HDAC8: variants seen among roughly 807,000 people sequenced by gnomAD.
HDAC8 encodes the protein histone deacetylase 8.
In HDAC8, 1 loss-of-function variant was observed where a neutral mutation model predicts 32.2. The observed-to-expected ratio is 0.03, with a 90% confidence interval of 0.01 to 0.15. The LOEUF (loss-of-function observed/expected upper bound fraction) is 0.15, where lower values mean the gene tolerates loss of function less well. Among genes scored for constraint, HDAC8 ranks in the 10% least tolerant of loss-of-function variants. The probability of loss-of-function intolerance (pLI) is 1.00; values close to 1 mark genes in which losing one functional copy is unlikely to be tolerated. For missense variants in HDAC8, 117 were observed against 300.0 expected, an observed-to-expected ratio of 0.39 and a Z score of 4.51; for synonymous variants, 108 against 113.9, an observed-to-expected ratio of 0.95 and a Z score of 0.33.
At chrX:72,409,083 G>A (rs1203157974) in intron 9 of HDAC8, among the ~76,000 whole-genome samples, 2 of 111,911 alleles carry the variant, frequency 1.8e-5, no homozygotes, top group Admixed American at 9.5e-5. Context: ...GTGTATATTC[G>A]TGACTCAAAC....
At chrX:72,456,676 A>C (rs1435722207) in intron 9 of HDAC8, among the ~76,000 whole-genome samples, 1 of 110,739 alleles carries the variant, frequency 9.0e-6, no homozygotes, top group Non-Finnish European at 1.9e-5. Context: ...GTGCGCGCCT[A>C]TAGTCTCAGC....
chrX:72,491,593 T>C (rs2048872162), intron 5 of HDAC8, among the ~76,000 whole-genome samples: 1 of 112,237 alleles, frequency 8.9e-6, no homozygotes, highest in African/African-American at 3.2e-5. Flanking sequence ...GGCTAAAACA[T>C]GGAAGGCTGA....
At chrX:72,550,992 G>A (rs1461071318) in intron 4 of HDAC8, among the ~76,000 whole-genome samples, 4 of 109,657 alleles carry the variant, frequency 3.6e-5, no homozygotes, top group African/African-American at 1.3e-4. Flanking sequence ...TGGATCGTCA[G>A]GTATATCAGT....
intron 4 of HDAC8, among the ~76,000 whole-genome samples, chrX:72,505,235 G>A (rs2049354653): frequency 9.0e-6 from 1 of 110,840 alleles, no homozygotes; most frequent in African/African-American, 3.3e-5. Context: ...AAGCCCCAAA[G>A]CTTTACATTT....
chrX:72,427,006 C>T (rs1055760231), intron 9 of HDAC8, among the ~76,000 whole-genome samples: 14 of 110,283 alleles, frequency 1.3e-4, no homozygotes, highest in East Asian at 2.8e-4. Context: ...AAACTGTGAA[C>T]GCTGCCAGAC....
chrX:72,527,594 A>G (rs1333146745), intron 4 of HDAC8, among the ~76,000 whole-genome samples: 3 of 110,992 alleles, frequency 2.7e-5, no homozygotes, highest in Non-Finnish European at 5.7e-5. Flanking sequence ...TAAATACATG[A>G]ATAAACACCT....
At chrX:72,357,923 T>C (rs1311885528) in intron 9 of HDAC8, among the ~76,000 whole-genome samples, 2 of 110,659 alleles carry the variant, frequency 1.8e-5, no homozygotes, top group South Asian at 3.8e-4. Flanking sequence ...TTTTTTTTTT[T>C]AGACGGAGTC....
At chrX:72,458,760 G>A (rs782571986) in intron 9 of HDAC8, among the ~76,000 whole-genome samples, 2 of 111,742 alleles carry the variant, frequency 1.8e-5, no homozygotes, top group African/African-American at 6.5e-5. Context: ...GTATATATTT[G>A]AATCTCTTAA....
intron 5 of HDAC8, among the ~76,000 whole-genome samples, chrX:72,491,980 AT>A (rs1336556351): frequency 8.9e-6 from 1 of 112,252 alleles, no homozygotes; most frequent in Non-Finnish European, 1.9e-5. Flanking sequence ...CTTTAAAAAA[AT>A]ATTAACTCTA....
chrX:72,427,764 AAAG>A (rs1230271101), intron 9 of HDAC8, among the ~76,000 whole-genome samples: 1 of 111,344 alleles, frequency 9.0e-6, no homozygotes, highest in Admixed American at 9.5e-5. Flanking sequence ...ATTAAAAAAA[AAAG>A]AAAATGACAT....
intron 4 of HDAC8, among the ~76,000 whole-genome samples, chrX:72,554,174 T>C (rs897863386): frequency 7.2e-5 from 8 of 111,413 alleles, no homozygotes; most frequent in Non-Finnish European, 1.5e-4. Context: ...TAAAAAATCA[T>C]CAATAATTCT....
Position 72,383,096 on chromosome X carries a change from C to T in HDAC8, c.1006-31258G>A, listed in dbSNP as rs781972740. 9.8e-5 allele frequency among the ~76,000 whole-genome samples: 11 copies of T among 111,915 alleles called. No individual in the cohort carries two copies. In the East Asian group the frequency reaches 2.5e-3, roughly 26 times the overall value. On this transcript the variant is annotated intron_variant, in intron 9 of 10. Coordinates refer to ENST00000373573, the MANE Select transcript of HDAC8 (RefSeq NM_018486.3). ...GGTCTACCCAGTCTACTGCTACAGT[C>T]CTCTATCATTCATTCACTTATTCAT...
intron 9 of HDAC8, among the ~76,000 whole-genome samples, chrX:72,392,221 C>T (rs2045630031): frequency 1.8e-5 from 2 of 111,947 alleles, no homozygotes; most frequent in Admixed American, 1.9e-4. Context: ...ACAGACATCC[C>T]TGTGATGTTT....
At chrX:72,546,948 A>G (rs891368049) in intron 4 of HDAC8, among the ~76,000 whole-genome samples, 1 of 111,149 alleles carries the variant, frequency 9.0e-6, no homozygotes. Flanking sequence ...TCAGCTCCTA[A>G]ATGTTCTTAA....
At chrX:72,554,709 C>T (rs782648218) in intron 4 of HDAC8, among the ~76,000 whole-genome samples, 1 of 111,623 alleles carries the variant, frequency 9.0e-6, no homozygotes, top group African/African-American at 3.3e-5. Context: ...CACCCCCGTC[C>T]CCCACAGCAG....
intron 4 of HDAC8, among the ~76,000 whole-genome samples, chrX:72,565,569 T>G (rs2051749706): frequency 1.8e-5 from 2 of 112,317 alleles, no homozygotes; most frequent in South Asian, 7.4e-4. Context: ...GTGTACTTCC[T>G]TTGGCAGCAA....
At position 72,517,847 on chromosome X, in the gene HDAC8, A is replaced by G. The variant is rs782440334; in HGVS notation, c.438-22579T>C. Among the ~76,000 whole-genome samples the G allele has an allele frequency of 2.7e-5, 3 of 111,361 alleles. 1 individual carries two copies. Among genetic ancestry groups the G allele is most frequent in the Non-Finnish European group, 5.7e-5 (3 of 53,047 alleles). Reference sequence around the variant, plus strand: ...AGTCCTTCAAATTTGTTCTTTTTCAAGATTATTTTAGTTGTTTTGGGGTCT... The same window carrying G: ...AGTCCTTCAAATTTGTTCTTTTTCAGGATTATTTTAGTTGTTTTGGGGTCT... On this transcript the variant is annotated intron_variant, in intron 4 of 10. Coordinates refer to ENST00000373573, the MANE Select transcript of HDAC8 (RefSeq NM_018486.3).
rs192269305 is a variant in HDAC8 at position 72,455,448 on chromosome X, G to A, written c.1005+6556C>T. Among the ~76,000 whole-genome samples the A allele has an allele frequency of 4.1e-3, 454 of 111,579 alleles. 4 individuals carry two copies. The highest frequency in any genetic ancestry group is 0.014 in the African/African-American group (429 of 30,738). ...AACTGTGCTATGGTGGTTGTCTTGA[G>A]GAAAAGCATGTCAAGTTTTGAGCTT... is the stretch of plus-strand genomic sequence containing the variant. On this transcript the variant is annotated intron_variant, in intron 9 of 10. Transcript: ENST00000373573.
intron 4 of HDAC8, among the ~76,000 whole-genome samples, chrX:72,548,978 G>T (rs2050967925): frequency 9.0e-6 from 1 of 111,687 alleles, no homozygotes; most frequent in Admixed American, 9.5e-5. Flanking sequence ...TTTTAATACT[G>T]CAGATATACT....
Sources: gnomAD v4.1 joint callset for allele counts (sites outside exome capture counted in the v4.1 genomes callset) on GRCh38, gnomAD v4.1.1 for gene constraint, MANE v1.5 for transcripts, NCBI Gene and HGNC (gene_info 2026-07-23, HGNC 2026-07-21) for gene names.